Variants in ITGB5 observed in about 807,000 individuals in gnomAD.
ITGB5 encodes integrin subunit beta 5.
In ITGB5, 38 loss-of-function variants were observed where a neutral mutation model predicts 84.8. The observed-to-expected ratio is 0.45, with a 90% CI of 0.35 to 0.59. The LOEUF (loss-of-function observed/expected upper bound fraction) is 0.59, where lower values mean the gene tolerates loss of function less well. Ranked by LOEUF, ITGB5 falls within the 20% of genes least tolerant of loss-of-function variation. ITGB5 has a pLI of 0.01. For synonymous variants in ITGB5, 393 were observed against 414.4 expected, an observed-to-expected ratio of 0.95 and a Z score of 0.63; for missense variants, 905 against 1,034.5, an observed-to-expected ratio of 0.87 and a Z score of 1.72.
intron 2 of ITGB5, among the ~76,000 whole-genome samples, chr3:124,865,506 AGACTGGGTCTCGCTCTGTC>A (rs2065376188): frequency 2.8e-5 from 1 of 35,704 alleles, no homozygotes; most frequent in African/African-American, 1.3e-4. Flanking sequence ...TTTTTTTGAG[AGACTGGGTCTCGCTCTGTC>A]GTCTAGGCTG....
rs117188212 is a variant in ITGB5, at chr3:124,835,408, C to T, written c.780+5975G>A. On this transcript the variant is annotated intron_variant, in intron 5 of 14. Transcript: ENST00000296181. ...AAAGCCAAGGGGAAGCTGCGCCACA[C>T]CTGTCTGACAACAACCCTACAGGGC... Among the ~76,000 whole-genome samples the T allele has an allele frequency of 2.5e-3, 381 of 152,380 alleles. 6 individuals are homozygous for T. The highest frequency in any genetic ancestry group is 0.02 in the East Asian group (102 of 5,190).
At chr3:124,777,009 G>A (rs1465790431) in intron 10 of ITGB5, among the ~76,000 whole-genome samples, 1 of 152,222 alleles carries the variant, frequency 6.6e-6, no homozygotes, top group Non-Finnish European at 1.5e-5. Context: ...TGGCTGGGGG[G>A]CAGGGAAGCC....
rs775343968 is a variant in ITGB5, at chr3:124,817,713, T to TG, written c.1039-4dup. The stretch of plus-strand genomic sequence containing the variant: ...CCAGGTATCAGGGCTGTAAAATTCT[T>TG]GGGAAAAAAAGTAAAGAAAAGAAAT... On this transcript the variant is annotated splice_region_variant and splice_polypyrimidine_tract_variant and intron_variant, in intron 7 of 14. Coordinates refer to ENST00000296181, the MANE Select transcript of ITGB5 (RefSeq NM_002213.5). 5.7e-6 allele frequency: 9 copies of TG among 1,567,520 alleles called. No individual in the cohort carries two copies. In the South Asian group the frequency reaches 1.0e-4, roughly 18 times the overall value.
At chr3:124,817,267 C>G (rs745339247) in intron 8 of ITGB5, among the ~76,000 whole-genome samples, 1 of 152,122 alleles carries the variant, frequency 6.6e-6, no homozygotes, top group Non-Finnish European at 1.5e-5. Context: ...ACGGTGGCAG[C>G]GTTAGCCTGG....
chr3:124,887,920 CTTTT>C (rs747964036), upstream of ITGB5: 321 of 195,786 alleles, frequency 1.6e-3, no homozygotes, highest in South Asian at 3.8e-3. Flanking sequence ...TTTTTCTTTT[CTTTT>C]TTTTTTTTTT....
chr3:124,859,260 C>T lies in ITGB5; in HGVS notation c.343G>A (p.Ala115Thr). 1 of 1,614,000 alleles carries T rather than the reference C, an allele frequency of 6.2e-7. No individual in the cohort carries two copies. The highest frequency in any genetic ancestry group is 8.5e-7 in the Non-Finnish European group (1 of 1,179,956). Residue 115 changes from alanine (A) to threonine (T), a missense_variant, in exon 3 of 15, where the codon GCC becomes ACC. Around this residue, in one of 3 missense-constraint regions of ITGB5, gnomAD observed 656 missense variants for 734.7 expected, o/e 0.89. Transcript: ENST00000296181. ...DVIQMTPQEIAVNLRPGDKTT... is the reference protein window; with the variant it reads ...DVIQMTPQEITVNLRPGDKTT... ...AACTCACCGGGCCGGAGGTTCACGG[C>T]AATCTCCTGTGGTGTCATCTGAATG...
In ITGB5 at chr3:124,764,405, C is replaced by T. The variant is rs771299105; in HGVS notation, c.2290G>A (p.Ala764Thr). ...FAKFQSERSR[A>T]RYEMASNPLY... ...CACGTGCTTACCATTTCATAGCGGG[C>T]CCTGGATCGCTCGCTCTGAAACTTT... is the stretch of plus-strand genomic sequence containing the variant. The change falls in exon 14 of 15, where the codon GCC becomes ACC. Residue 764 changes from alanine (A) to threonine (T), a missense_variant. Around this residue, in one of 3 missense-constraint regions of ITGB5, gnomAD observed 133 missense variants for 122.8 expected, o/e 1.08. Transcript: ENST00000296181. The T allele has an allele frequency of 8.1e-6, 13 of 1,611,556 alleles. No homozygotes were observed. In the South Asian group the frequency reaches 1.3e-4, roughly 16 times the overall value.
At chr3:124,828,775 A>G (rs2064819939) in intron 5 of ITGB5, among the ~76,000 whole-genome samples, 1 of 152,172 alleles carries the variant, frequency 6.6e-6, no homozygotes, top group Non-Finnish European at 1.5e-5. Flanking sequence ...GCGCCACCAC[A>G]CTGGGCCCAA....
At chr3:124,773,375 C>T (rs932510955) in intron 11 of ITGB5, among the ~76,000 whole-genome samples, 1 of 152,198 alleles carries the variant, frequency 6.6e-6, no homozygotes, top group Non-Finnish European at 1.5e-5. Flanking sequence ...TGAGAAGGTG[C>T]TATTTTTGGT....
intron 1 of ITGB5, among the ~76,000 whole-genome samples, chr3:124,893,758 A>G (rs1935045782): frequency 6.6e-6 from 1 of 152,200 alleles, no homozygotes; most frequent in African/African-American, 2.4e-5. Context: ...CAGCATGTGC[A>G]TAGTGGTCAT....
intron 10 of ITGB5, among the ~76,000 whole-genome samples, chr3:124,778,762 G>A (rs1474301457): frequency 1.3e-5 from 2 of 152,192 alleles, no homozygotes; most frequent in Admixed American, 1.3e-4. Flanking sequence ...GGGAAATGAA[G>A]GAATCAAGGG....
At chr3:124,772,679 A>G (rs1305783033) in intron 11 of ITGB5, among the ~76,000 whole-genome samples, 3 of 146,598 alleles carry the variant, frequency 2.0e-5, no homozygotes, top group Non-Finnish European at 4.5e-5. Context: ...ATTCCCTCTC[A>G]TTTGCACTCT....
At chr3:124,835,631 T>A (rs1268051085) in intron 5 of ITGB5, among the ~76,000 whole-genome samples, 2 of 152,182 alleles carry the variant, frequency 1.3e-5, no homozygotes, top group Non-Finnish European at 1.5e-5. Flanking sequence ...AAGCAGAACA[T>A]GTGGCGGGTC....
chr3:124,894,663 A>G (rs1312430452), intron 1 of ITGB5: 1 of 152,170 alleles, frequency 6.6e-6, no homozygotes, highest in Non-Finnish European at 1.5e-5. Context: ...ATTCCTTTCC[A>G]GTTATTTCAG....
intron 1 of ITGB5, among the ~76,000 whole-genome samples, chr3:124,883,926 G>A (rs1246797576): frequency 2.0e-5 from 3 of 152,096 alleles, no homozygotes; most frequent in Admixed American, 6.6e-5. Flanking sequence ...ACGGGAGGGG[G>A]TTGTCAGCCG....
At chr3:124,867,008 A>G (rs554005020) in intron 2 of ITGB5, among the ~76,000 whole-genome samples, 2 of 152,256 alleles carry the variant, frequency 1.3e-5, no homozygotes, top group African/African-American at 4.8e-5. Flanking sequence ...TGGATTGAAT[A>G]TTGATTCTTT....
intron 1 of ITGB5, chr3:124,878,668 C>T (rs898545738): frequency 2.0e-5 from 3 of 152,160 alleles, no homozygotes; most frequent in African/African-American, 7.2e-5. Flanking sequence ...ACTCCAGGAT[C>T]CAAAACCACA....
chr3:124,834,549 G>A (rs1320430778), intron 5 of ITGB5, among the ~76,000 whole-genome samples: 1 of 15,102 alleles, frequency 6.6e-5, no homozygotes, highest in African/African-American at 3.9e-4. Context: ...GGGAGGGGAG[G>A]GAGCGGGGGG....
chr3:124,779,366 T>TG (rs986649632), intron 10 of ITGB5, among the ~76,000 whole-genome samples: 2 of 151,312 alleles, frequency 1.3e-5, no homozygotes, highest in Non-Finnish European at 2.9e-5. Flanking sequence ...AAGGCAGTAC[T>TG]GGGGGGCGAG....
Sources: allele counts gnomAD v4.1 joint callset (sites outside exome capture counted in the v4.1 genomes callset), GRCh38; gene constraint gnomAD v4.1.1; regional missense constraint gnomAD v4.1.1; transcripts MANE v1.5; gene names NCBI Gene and HGNC (gene_info 2026-07-23, HGNC 2026-07-21).